The following APPL2 variants were observed in gnomAD, a reference collection of about 807,000 sequenced individuals.
APPL2 encodes adaptor protein, phosphotyrosine interacting with PH domain and leucine zipper 2, also known as DCC-interacting protein 13-beta.
In APPL2, 84 loss-of-function variants were observed where a neutral mutation model predicts 92.7. That is an observed-to-expected ratio of 0.91 (90% CI 0.76 to 1.09). The LOEUF (loss-of-function observed/expected upper bound fraction) is 1.09, where lower values mean the gene tolerates loss of function less well. Among genes scored for constraint, APPL2 ranks in the 50% least tolerant of loss-of-function variants. APPL2 has a pLI of 0.00. For synonymous variants in APPL2, 291 were observed against 291.0 expected, an observed-to-expected ratio of 1.00 and a Z score of 0.00; for missense variants, 736 against 824.5, an observed-to-expected ratio of 0.89 and a Z score of 1.31.
intron 9 of APPL2, among the ~76,000 whole-genome samples, chr12:105,201,702 A>C (rs1888216440): frequency 6.6e-6 from 1 of 152,148 alleles, no homozygotes; most frequent in Non-Finnish European, 1.5e-5. Context: ...AAAACAACAA[A>C]AAAAAGCATG....
chr12:105,228,944 C>T (rs1400638864), intron 2 of APPL2, among the ~76,000 whole-genome samples, 181 bp downstream of exon 2: 1 of 152,150 alleles, frequency 6.6e-6, no homozygotes, highest in African/African-American at 2.4e-5. Flanking sequence ...CACTCTTAAG[C>T]AATGAGAACA....
rs371633632 is a variant in APPL2 at position 105,177,287 on chromosome 12, G to A, written c.1635-25C>T. The A allele has an allele frequency of 1.5e-4, 237 of 1,603,072 alleles. No homozygotes were observed. In the Middle Eastern group the frequency reaches 1.5e-3, roughly 10 times the overall value. The stretch of plus-strand genomic sequence containing the variant: ...CCTGAAATTTTAAAAGATACATTAT[G>A]TCACAAATGTTGGATAAATTTAATA... On this transcript the variant is annotated intron_variant, in intron 17 of 20. Transcript: ENST00000258530.
At chr12:105,198,894 T>A (rs1887894709) in intron 10 of APPL2, among the ~76,000 whole-genome samples, 1 of 152,136 alleles carries the variant, frequency 6.6e-6, no homozygotes, top group African/African-American at 2.4e-5. Context: ...AACCTGATCA[T>A]CCCTTCCATT....
intron 17 of APPL2, among the ~76,000 whole-genome samples, chr12:105,181,331 G>A (rs1026784363): frequency 2.0e-5 from 3 of 152,172 alleles, no homozygotes; most frequent in Non-Finnish European, 4.4e-5. Flanking sequence ...TGGTGGATAA[G>A]CTTTTTAATG....
chr12:105,197,973 A>G lies in APPL2; in HGVS notation c.864-20T>C. 2 of 1,611,222 alleles carry G rather than the reference A, an allele frequency of 1.2e-6. No individual in the cohort carries two copies. The highest frequency in any genetic ancestry group is 8.5e-7 in the Non-Finnish European group (1 of 1,178,406). ...GTTTTGCTGTGAGTTGTGTTTTAAA[A>G]AGCCCATTAGTACCAGAAAGCACCA... is the stretch of plus-strand genomic sequence containing the variant. On this transcript the variant is annotated intron_variant, in intron 10 of 20. Coordinates refer to ENST00000258530, the MANE Select transcript of APPL2 (RefSeq NM_018171.5).
chr12:105,211,666 G>A (rs1889230167), intron 4 of APPL2, among the ~76,000 whole-genome samples: 1 of 152,192 alleles, frequency 6.6e-6, no homozygotes. Flanking sequence ...AGAGAACACA[G>A]CCAGCTGTCA....
chr12:105,175,877 G>T (rs1458947558), intron 20 of APPL2, among the ~76,000 whole-genome samples, 158 bp downstream of exon 20: 1 of 152,192 alleles, frequency 6.6e-6, no homozygotes. Context: ...GGAACTAGCT[G>T]ATCAAAAACC....
At chr12:105,226,691 A>G (rs1048790066) in intron 2 of APPL2, among the ~76,000 whole-genome samples, 12 of 152,228 alleles carry the variant, frequency 7.9e-5, no homozygotes, top group African/African-American at 2.9e-4. Flanking sequence ...ATAGCAAGCA[A>G]TTTCAGGTAT....
rs1886708024 is a variant in APPL2 at position 105,186,667 on chromosome 12, T to TATATGATATATCATATATATC, written c.1634+1605_1634+1606insGATATATATGATATATCATAT. On this transcript the variant is annotated intron_variant, in intron 17 of 20. Transcript: ENST00000258530. The stretch of plus-strand genomic sequence containing the variant: ...TATGATATCGATATCATATATATCA[T>TATATGATATATCATATATATC]ATATATGATATATCATATATATATC... 4.5e-4 allele frequency among the ~76,000 whole-genome samples: 15 copies of TATATGATATATCATATATATC among 33,122 alleles called. 1 individual carries two copies. The highest frequency in any genetic ancestry group is 7.3e-4 in the African/African-American group (11 of 15,098). The allele number at this position is 33,122 out of a possible 152,430, so 21.7% of individuals were successfully genotyped here. A position where few individuals can be genotyped will look rare whatever the true frequency, so the allele number is the denominator to read the frequency against.
Position 105,210,255 on chromosome 12 carries a change from C to T in APPL2, c.373+975G>A, listed in dbSNP as rs920138656. Among the ~76,000 whole-genome samples the T allele has an allele frequency of 8.5e-5, 13 of 152,236 alleles. No homozygotes were observed. In the South Asian group the frequency reaches 1.0e-3, roughly 12 times the overall value. On this transcript the variant is annotated intron_variant, in intron 5 of 20. Transcript: ENST00000258530. ...GATTACAGGCGTGAGCCACTGTGCC[C>T]GGCCAATCTTTACCTTTAAGACTTG...
intron 2 of APPL2, among the ~76,000 whole-genome samples, chr12:105,224,150 G>T (rs1890325133): frequency 6.6e-6 from 1 of 152,128 alleles, no homozygotes; most frequent in African/African-American, 2.4e-5. Flanking sequence ...CAGAACCCAG[G>T]TCTAAGAAGT....
intron 4 of APPL2, among the ~76,000 whole-genome samples, chr12:105,211,582 C>A (rs921509333): frequency 1.3e-5 from 2 of 152,214 alleles, no homozygotes; most frequent in African/African-American, 4.8e-5. Context: ...GTTCACTGGG[C>A]AGACTCTGCT....
chr12:105,235,896 G>A (rs1207098725), intron 1 of APPL2, 63 bp downstream of exon 1: 1 of 1,208,158 alleles, frequency 8.3e-7, no homozygotes, highest in South Asian at 4.2e-5. Flanking sequence ...TCCACTCCGG[G>A]GCTGGAGGGG....
At chr12:105,179,034 G>A (rs952946254) in intron 17 of APPL2, among the ~76,000 whole-genome samples, 2 of 152,036 alleles carry the variant, frequency 1.3e-5, no homozygotes, top group South Asian at 2.1e-4. Flanking sequence ...TGTGCAGAAC[G>A]TGCAGGTTTG....
intron 14 of APPL2, among the ~76,000 whole-genome samples, chr12:105,193,726 T>A (rs141376639): frequency 1.4e-3 from 220 of 152,292 alleles, no homozygotes; most frequent in African/African-American, 5.0e-3. Context: ...TCCTCTTTTT[T>A]AAAAACATTT....
At chr12:105,206,771 G>A (rs1888735616) in intron 8 of APPL2, 1 of 275,086 alleles carries the variant, frequency 3.6e-6, no homozygotes, top group Non-Finnish European at 6.8e-6. Flanking sequence ...CACCCAGCTG[G>A]CTTTCATTCG....
In APPL2 at chr12:105,195,689, T is replaced by C. The variant is rs996145131; in HGVS notation, c.1053-62A>G. 4.4e-6 allele frequency: 7 copies of C among 1,581,146 alleles called. No individual in the cohort carries two copies. In the East Asian group the frequency reaches 6.7e-5, roughly 15 times the overall value. Reference sequence around the variant, plus strand: ...TGATCTCAGTGACTGGGAATTTCTCTACATAAACTGAACTTAGCTGGGGTG... The same window carrying C: ...TGATCTCAGTGACTGGGAATTTCTCCACATAAACTGAACTTAGCTGGGGTG... On this transcript the variant is annotated intron_variant, in intron 11 of 20. Transcript: ENST00000258530.
intron 11 of APPL2, among the ~76,000 whole-genome samples, chr12:105,196,526 C>T (rs932752828): frequency 2.1e-5 from 3 of 144,724 alleles, no homozygotes; most frequent in Non-Finnish European, 3.0e-5. Context: ...ACCTCCGCCT[C>T]CCAGGTTCAA....
chr12:105,187,969 G>GA (rs796542192), intron 17 of APPL2, among the ~76,000 whole-genome samples: 132 of 137,904 alleles, frequency 9.6e-4, no homozygotes, highest in African/African-American at 1.6e-3. Context: ...TCTCAGAAAT[G>GA]AAAAAAAAAA....
Sources: allele counts gnomAD v4.1 joint callset (sites outside exome capture counted in the v4.1 genomes callset), GRCh38; gene constraint gnomAD v4.1.1; transcripts MANE v1.5; gene names NCBI Gene and HGNC (gene_info 2026-07-23, HGNC 2026-07-21).